TEX14: variants seen among roughly 807,000 people sequenced by gnomAD.
The protein encoded by TEX14 is inactive serine/threonine-protein kinase TEX14.
TEX14 carries 168 observed loss-of-function variants against 178.6 expected under a neutral mutation model. The observed-to-expected ratio is 0.94, with a 90% CI of 0.83 to 1.07. The LOEUF (loss-of-function observed/expected upper bound fraction) is 1.07. Ranked by LOEUF, TEX14 falls within the 50% of genes least tolerant of loss-of-function variation. The pLI is 0.00. For synonymous variants in TEX14, 626 were observed against 634.1 expected (o/e 0.99, Z 0.19); for missense variants, 1,730 against 1,753.6 (o/e 0.99, Z 0.24).
intron 3 of TEX14, among the ~76,000 whole-genome samples, chr17:58,625,610 T>C (rs2046118075): frequency 6.6e-6 from 1 of 152,240 alleles, no homozygotes; most frequent in Admixed American, 6.5e-5. Flanking sequence ...TGTACTATCA[T>C]ATTTATTTAT....
At position 58,615,184 on chromosome 17, in the gene TEX14, T is replaced by C. The variant is rs371042543; in HGVS notation, c.881+48A>G. The C allele has an allele frequency of 4.3e-5, 47 of 1,105,606 alleles. No homozygotes were observed. The Middle Eastern group carries it at 6.8e-4, about 16-fold the overall frequency. The allele number at this position is 1,105,606 out of a possible 1,614,324, so 68.5% of individuals were successfully genotyped here. A position where few individuals can be genotyped will look rare whatever the true frequency, so the allele number is the denominator to read the frequency against. Reference sequence around the variant, plus strand: ...AGAGCTGAATAGCCCAGAACCTGAGTCTGTAGAGAGACCTGGACCTATAAG... The same window carrying C: ...AGAGCTGAATAGCCCAGAACCTGAGCCTGTAGAGAGACCTGGACCTATAAG... On this transcript the variant is annotated intron_variant, in intron 8 of 31. Coordinates refer to ENST00000349033, the MANE Select transcript of TEX14 (RefSeq NM_031272.5).
At chr17:58,656,896 G>A (rs865958566) in intron 1 of TEX14, among the ~76,000 whole-genome samples, 8 of 140,602 alleles carry the variant, frequency 5.7e-5, no homozygotes, top group East Asian at 2.1e-4. Flanking sequence ...GCACTCCAGC[G>A]TGGGTGACTG....
intron 9 of TEX14, among the ~76,000 whole-genome samples, chr17:58,612,735 CA>C (rs35618114): frequency 0.39 from 38,221 of 97,294 alleles, 5,369 homozygotes; most frequent in Middle Eastern, 0.49. Context: ...ACTCTTGTCT[CA>C]AAAAAAAAAA....
chr17:58,599,752 C>T, intron 13 of TEX14, 86 bp from the exon 14 acceptor site: 2 of 1,024,472 alleles, frequency 2.0e-6, no homozygotes, highest in Non-Finnish European at 2.8e-6. Context: ...GAGGCAAAGA[C>T]TGTCAAAAAA....
At chr17:58,645,016 C>T (rs1290801529) in intron 2 of TEX14, among the ~76,000 whole-genome samples, 8 of 144,066 alleles carry the variant, frequency 5.6e-5, no homozygotes, top group African/African-American at 1.5e-4. Context: ...GATGGAGTCT[C>T]GCTCTGTCAC....
intron 1 of TEX14, among the ~76,000 whole-genome samples, chr17:58,684,673 AT>A (rs1451788123): frequency 3.8e-4 from 54 of 140,916 alleles, no homozygotes; most frequent in African/African-American, 1.3e-3. Flanking sequence ...AAATAAATAA[AT>A]AAATAAAAAG....
At chr17:58,642,150 T>TCAC (rs1415967045) in intron 2 of TEX14, among the ~76,000 whole-genome samples, 3 of 152,220 alleles carry the variant, frequency 2.0e-5, no homozygotes, top group African/African-American at 7.2e-5. Flanking sequence ...AGCACCAATT[T>TCAC]CACCTCAATT....
rs978714756 is a variant in TEX14, at chr17:58,586,159, A to G, written c.2789-77T>C. The G allele has an allele frequency of 3.5e-5, 50 of 1,428,972 alleles. No homozygotes were observed. In the African/African-American group the frequency reaches 5.3e-4, roughly 15 times the overall value. 88.5% of individuals were successfully genotyped at this position (1,428,972 alleles called of 1,614,324 possible). On this transcript the variant is annotated intron_variant, in intron 17 of 31. Transcript: ENST00000349033. The stretch of plus-strand genomic sequence containing the variant: ...ACAGGCTTTCATCTAAAAGAAATAC[A>G]TAATACTATTATAACTCATAGTGTA...
intron 9 of TEX14, 93 bp from the exon 10 acceptor site, chr17:58,611,432 C>G: frequency 1.1e-6 from 1 of 905,668 alleles, no homozygotes; most frequent in Non-Finnish European, 1.7e-6. Flanking sequence ...TCCATATGAT[C>G]CTCATGGTTA....
chr17:58,661,234 A>G (rs1309849698), intron 1 of TEX14: 1 of 795,230 alleles, frequency 1.3e-6, no homozygotes, highest in South Asian at 1.3e-5. Flanking sequence ...ACTCGGCCAC[A>G]CGATAGTAAT....
intron 1 of TEX14, among the ~76,000 whole-genome samples, chr17:58,678,009 G>C (rs2047422740): frequency 6.6e-6 from 1 of 152,208 alleles, no homozygotes; most frequent in South Asian, 2.1e-4. Context: ...AATTAGCCTG[G>C]CATGGTGGCG....
intron 10 of TEX14, among the ~76,000 whole-genome samples, chr17:58,609,048 T>C (rs754462905): frequency 6.6e-6 from 1 of 152,216 alleles, no homozygotes; most frequent in East Asian, 1.9e-4. Flanking sequence ...TAGTGACAGT[T>C]ATCTGGCCTC....
chr17:58,610,549 T>C (rs780614654), intron 10 of TEX14, among the ~76,000 whole-genome samples: 1 of 152,046 alleles, frequency 6.6e-6, no homozygotes, highest in African/African-American at 2.4e-5. Flanking sequence ...CCAACACAGA[T>C]TGGATTGCAA....
chr17:58,622,786 C>T (rs550369627), intron 4 of TEX14, 61 bp downstream of exon 4: 2 of 1,506,144 alleles, frequency 1.3e-6, no homozygotes, highest in Admixed American at 1.8e-5. Context: ...CCACTGGGAG[C>T]CTGACTCTCA....
Position 58,601,350 on chromosome 17 carries a change from G to A in TEX14, c.1678+456C>T, listed in dbSNP as rs140075419. On this transcript the variant is annotated intron_variant, in intron 13 of 31. Transcript: ENST00000349033. Reference sequence around the variant, plus strand: ...ATCCTGGCCAACATGGTGAAACCCCGTCTCTACTAAAAATACAAAAAATTA... The same window carrying A: ...ATCCTGGCCAACATGGTGAAACCCCATCTCTACTAAAAATACAAAAAATTA... 4.3e-3 allele frequency among the ~76,000 whole-genome samples: 653 copies of A among 151,962 alleles called. 4 individuals carry two copies. The highest frequency in any genetic ancestry group is 0.014 in the African/African-American group (600 of 41,450).
At chr17:58,686,457 CTT>C (rs1245616178) in intron 1 of TEX14, among the ~76,000 whole-genome samples, 1 of 152,104 alleles carries the variant, frequency 6.6e-6, no homozygotes, top group Non-Finnish European at 1.5e-5. Flanking sequence ...TTGGAGGAGA[CTT>C]TGAATTGTCC....
rs371668931 is a variant in TEX14 at position 58,610,881 on chromosome 17, G to A, written c.1184+280C>T. Among the ~76,000 whole-genome samples, 1,363 of 150,116 alleles carry A rather than the reference G, an allele frequency of 9.1e-3. 9 individuals are homozygous for A. Among genetic ancestry groups the A allele is most frequent in the South Asian group, 0.026 (125 of 4,752 alleles). On this transcript the variant is annotated intron_variant, in intron 10 of 31. Transcript: ENST00000349033. ...AGCCTGGGCAAGAGGGCAAGACTCC[G>A]TCAAAAAAAAAAAAGCCGCTGAAAA...
intron 19 of TEX14, among the ~76,000 whole-genome samples, chr17:58,583,824 A>G (rs1812292558): frequency 6.6e-6 from 1 of 152,256 alleles, no homozygotes; most frequent in African/African-American, 2.4e-5. Flanking sequence ...TTCATATGCC[A>G]TGATTAAATA....
chr17:58,613,428 T>G lies in TEX14; in HGVS notation c.998A>C (p.His333Pro). ...ACGGAAACAGCAGTTTACTCGTTCATGAAGGACACTGAACAATGTGCCGAT... is the reference window on the plus strand; with the variant it reads ...ACGGAAACAGCAGTTTACTCGTTCAGGAAGGACACTGAACAATGTGCCGAT... ...ITIGTLFSVL[H>P]ERRSQFPVLH... Residue 333 changes from histidine to proline, a missense_variant, in exon 9 of 32, where the codon CAT becomes CCT. By Grantham distance (77) the His-to-Pro change is moderately conservative (BLOSUM62 -2). Transcript: ENST00000349033. The G allele has an allele frequency of 6.2e-7, 1 of 1,614,052 alleles. No individual in the cohort carries two copies. The highest frequency in any genetic ancestry group is 8.5e-7 in the Non-Finnish European group (1 of 1,179,958).
Sources: gnomAD v4.1 joint callset for allele counts (sites outside exome capture counted in the v4.1 genomes callset) on GRCh38, gnomAD v4.1.1 for gene constraint, MANE v1.5 for transcripts, NCBI Gene and HGNC (gene_info 2026-07-23, HGNC 2026-07-21) for gene names.